The following RANBP2 variants were observed in gnomAD, a reference collection of about 807,000 sequenced individuals.
RANBP2 encodes RAN binding protein 2, also known as E3 SUMO-protein ligase RanBP2.
Under a neutral mutation model 303.6 loss-of-function variants are expected in RANBP2, and 57 were observed. The observed-to-expected ratio is 0.19, with a 90% CI of 0.15 to 0.23. RANBP2 has a LOEUF of 0.23. Among genes scored for constraint, RANBP2 ranks in the 10% least tolerant of loss-of-function variants. The pLI is 1.00. For missense variants in RANBP2, 3,138 were observed against 3,780.8 expected, an observed-to-expected ratio of 0.83 and a Z score of 4.46; for synonymous variants, 1,167 against 1,301.5, an observed-to-expected ratio of 0.90 and a Z score of 2.23.
At chr2:109,192,989 C>T in the RANBP2 span, among the ~76,000 whole-genome samples, 3 of 152,190 alleles carry the variant, frequency 2.0e-5, no homozygotes, top group African/African-American at 7.2e-5. Flanking sequence ...CCTCTTGTGA[C>T]TTGGAAACCT....
the RANBP2 span, among the ~76,000 whole-genome samples, chr2:109,248,466 G>A: frequency 6.6e-6 from 1 of 152,106 alleles, no homozygotes; most frequent in Non-Finnish European, 1.5e-5. Flanking sequence ...TTTTCTCACT[G>A]CATCAAAGTC....
chr2:109,452,804 T>C, the RANBP2 span, among the ~76,000 whole-genome samples: 8 of 140,062 alleles, frequency 5.7e-5, no homozygotes, highest in South Asian at 4.7e-4. Flanking sequence ...AGGCTGGTGC[T>C]GGGAGGCTGG....
chr2:108,899,076 A>G, the RANBP2 span, among the ~76,000 whole-genome samples: 1 of 152,262 alleles, frequency 6.6e-6, no homozygotes, highest in Non-Finnish European at 1.5e-5. Flanking sequence ...CAAGAAGATA[A>G]GCAAATCCCA....
chr2:108,944,640 G>C, the RANBP2 span, among the ~76,000 whole-genome samples: 6 of 152,126 alleles, frequency 3.9e-5, no homozygotes, highest in African/African-American at 1.4e-4. Context: ...GTGCCAGGGT[G>C]GGGGATAGGG....
the RANBP2 span, among the ~76,000 whole-genome samples, chr2:109,203,412 G>T: frequency 1.3e-5 from 2 of 152,160 alleles, no homozygotes; most frequent in Admixed American, 6.5e-5. Flanking sequence ...CCCTACGAGC[G>T]CATCACCTGT....
the RANBP2 span, among the ~76,000 whole-genome samples, chr2:109,078,097 TATATA>T: frequency 1.7e-5 from 1 of 57,150 alleles, no homozygotes; most frequent in Non-Finnish European, 3.0e-5. Context: ...TATATATATA[TATATA>T]TATATATATA....
chr2:109,006,338 C>A, the RANBP2 span, among the ~76,000 whole-genome samples: 2 of 151,768 alleles, frequency 1.3e-5, no homozygotes, highest in African/African-American at 4.8e-5. Flanking sequence ...GGATTACAGG[C>A]GCTTGCCAAC....
chr2:108,985,599 G>T, the RANBP2 span, among the ~76,000 whole-genome samples: 2 of 152,186 alleles, frequency 1.3e-5, no homozygotes, highest in Non-Finnish European at 2.9e-5. Flanking sequence ...CTGGGCAAGA[G>T]GATCTGGGCA....
At chr2:109,318,731 A>G in the RANBP2 span, among the ~76,000 whole-genome samples, 1 of 152,178 alleles carries the variant, frequency 6.6e-6, no homozygotes, top group Non-Finnish European at 1.5e-5. Context: ...GCCAGCCGCC[A>G]GATACTGACC....
the RANBP2 span, among the ~76,000 whole-genome samples, chr2:108,831,985 G>A: frequency 0.029 from 4,412 of 151,800 alleles, 96 homozygotes; most frequent in South Asian, 0.046. Flanking sequence ...CACCCTCCTC[G>A]GCCTCCCGAA....
chr2:109,153,186 C>A, the RANBP2 span, among the ~76,000 whole-genome samples: 1 of 152,166 alleles, frequency 6.6e-6, no homozygotes, highest in Non-Finnish European at 1.5e-5. Context: ...TGCACTGCAG[C>A]GTTCTGCTAA....
At chr2:109,095,732 G>C in the RANBP2 span, among the ~76,000 whole-genome samples, 1 of 152,004 alleles carries the variant, frequency 6.6e-6, no homozygotes, top group African/African-American at 2.4e-5. Context: ...GGTTCTAAAA[G>C]GTTTATGAAA....
chr2:108,810,768 A>G, the RANBP2 span, among the ~76,000 whole-genome samples: 3 of 152,214 alleles, frequency 2.0e-5, no homozygotes, highest in African/African-American at 7.2e-5. Flanking sequence ...CAGTGAAGTC[A>G]TTGAGTGAAT....
the RANBP2 span, among the ~76,000 whole-genome samples, chr2:109,202,951 G>A: frequency 6.6e-6 from 1 of 152,194 alleles, no homozygotes; most frequent in Admixed American, 6.5e-5. Context: ...AAACACAATG[G>A]GAGCTGGTCT....
chr2:109,225,916 C>T, the RANBP2 span, among the ~76,000 whole-genome samples: 1 of 152,174 alleles, frequency 6.6e-6, no homozygotes, highest in Non-Finnish European at 1.5e-5. Flanking sequence ...TAGTCGCTTT[C>T]CACCATGCCA....
the RANBP2 span, among the ~76,000 whole-genome samples, chr2:109,400,030 C>A: frequency 2.6e-5 from 4 of 152,234 alleles, no homozygotes; most frequent in African/African-American, 9.6e-5. Flanking sequence ...GGGCGCTGAT[C>A]TGCGGGGAAT....
chr2:108,883,120 G>A, the RANBP2 span: 1 of 152,202 alleles, frequency 6.6e-6, no homozygotes, highest in East Asian at 1.9e-4. Flanking sequence ...TGAGCCCAAA[G>A]CCTTTAGATA....
chr2:109,444,330 T>C, the RANBP2 span, among the ~76,000 whole-genome samples: 3 of 152,212 alleles, frequency 2.0e-5, no homozygotes, highest in Non-Finnish European at 4.4e-5. Context: ...AAAAGTCAAC[T>C]CTGTGGGTCT....
the RANBP2 span, among the ~76,000 whole-genome samples, chr2:109,248,181 G>T: frequency 1.3e-5 from 2 of 152,076 alleles, no homozygotes; most frequent in East Asian, 3.9e-4. Flanking sequence ...ATATATTCTG[G>T]ATATTAATTC....
Sources: allele counts gnomAD v4.1 joint callset (sites outside exome capture counted in the v4.1 genomes callset), GRCh38; gene constraint gnomAD v4.1.1; transcripts MANE v1.5; gene names NCBI Gene and HGNC (gene_info 2026-07-23, HGNC 2026-07-21).